Variants in ZCCHC4 observed in about 807,000 individuals in gnomAD.
ZCCHC4 encodes zinc finger CCHC-type containing 4, also known as rRNA N(6)-adenosine-methyltransferase ZCCHC4.
Under a neutral mutation model 67.7 loss-of-function variants are expected in ZCCHC4, and 54 were observed. The observed-to-expected ratio is 0.80, with a 90% CI of 0.64 to 1.00. The LOEUF (loss-of-function observed/expected upper bound fraction) is 1.00. ZCCHC4 is among the 50% of genes least tolerant of loss of function. The pLI is 0.00. For synonymous variants in ZCCHC4, 198 were observed against 213.5 expected, an observed-to-expected ratio of 0.93 and a Z score of 0.63; for missense variants, 609 against 617.0, an observed-to-expected ratio of 0.99 and a Z score of 0.14.
chr4:25,314,004 A>G (rs747933483), intron 1 of ZCCHC4, 42 bp from the exon 2 acceptor site: 10 of 1,282,626 alleles, frequency 7.8e-6, no homozygotes, highest in Non-Finnish European at 1.1e-5. Flanking sequence ...GTAGATGACC[A>G]TTACTTGACA....
intron 3 of ZCCHC4, among the ~76,000 whole-genome samples, chr4:25,317,555 T>C (rs1718319582): frequency 6.6e-6 from 1 of 151,390 alleles, no homozygotes; most frequent in Non-Finnish European, 1.5e-5. Context: ...CCACTAAAAT[T>C]ACAAAAATTA....
intron 8 of ZCCHC4, among the ~76,000 whole-genome samples, chr4:25,354,749 C>T (rs974837986): frequency 2.0e-5 from 3 of 152,084 alleles, no homozygotes; most frequent in Non-Finnish European, 4.4e-5. Context: ...CCTCTCACCT[C>T]AGCCTCCCAA....
chr4:25,321,929 C>T (rs1480606128), intron 3 of ZCCHC4, among the ~76,000 whole-genome samples: 1 of 152,212 alleles, frequency 6.6e-6, no homozygotes, highest in South Asian at 2.1e-4. Context: ...GCAATTAACT[C>T]TCCACCTGTA....
intron 7 of ZCCHC4, 27 bp downstream of exon 7, chr4:25,349,669 A>T: frequency 6.2e-7 from 1 of 1,606,492 alleles, no homozygotes; most frequent in Non-Finnish European, 8.5e-7. Context: ...TGCAAAATAA[A>T]TACATATCTA....
chr4:25,358,324 G>A (rs527921158), intron 8 of ZCCHC4, among the ~76,000 whole-genome samples: 4 of 152,162 alleles, frequency 2.6e-5, no homozygotes, highest in East Asian at 3.9e-4. Context: ...TTTAAGTACC[G>A]GTACCCTGTT....
intron 5 of ZCCHC4, among the ~76,000 whole-genome samples, chr4:25,334,996 C>A (rs1172191847): frequency 6.6e-6 from 1 of 152,064 alleles, no homozygotes; most frequent in African/African-American, 2.4e-5. Flanking sequence ...CACTACCACA[C>A]CCAGGTAATT....
At chr4:25,352,661 CT>C (rs1313063038) in intron 8 of ZCCHC4, 1 of 152,644 alleles carries the variant, frequency 6.6e-6, no homozygotes, top group African/African-American at 2.4e-5. Flanking sequence ...AGTGATCTGC[CT>C]GCCTCAGCCT....
At chr4:25,313,703 C>G (rs1031602512) in intron 1 of ZCCHC4, among the ~76,000 whole-genome samples, 3 of 151,960 alleles carry the variant, frequency 2.0e-5, no homozygotes, top group Non-Finnish European at 2.9e-5. Flanking sequence ...TGATGACACT[C>G]CGTCTACAAA....
chr4:25,344,766 TAA>T (rs1176608922), intron 5 of ZCCHC4, among the ~76,000 whole-genome samples: 1 of 151,472 alleles, frequency 6.6e-6, no homozygotes, highest in Non-Finnish European at 1.5e-5. Context: ...CATATTTTAT[TAA>T]GCTAGCCTGC....
intron 3 of ZCCHC4, among the ~76,000 whole-genome samples, chr4:25,317,344 G>A (rs760186544): frequency 3.9e-5 from 6 of 152,092 alleles, no homozygotes; most frequent in Non-Finnish European, 8.8e-5. Context: ...TAACTACAGT[G>A]GTTAGTCAGA....
chr4:25,315,293 C>T (rs1327306412), intron 2 of ZCCHC4, 25 bp from the exon 3 acceptor site: 1 of 1,587,212 alleles, frequency 6.3e-7, no homozygotes, highest in Admixed American at 1.8e-5. Flanking sequence ...ACAGTTTATT[C>T]AATGGGTTTT....
chr4:25,339,855 G>A (rs1405013656), intron 5 of ZCCHC4, among the ~76,000 whole-genome samples: 1 of 151,570 alleles, frequency 6.6e-6, no homozygotes, highest in Non-Finnish European at 1.5e-5. Context: ...TTACACTTAG[G>A]TCTTTAATCT....
intron 3 of ZCCHC4, among the ~76,000 whole-genome samples, chr4:25,323,661 C>T (rs1359108033): frequency 6.6e-6 from 1 of 152,100 alleles, no homozygotes; most frequent in Non-Finnish European, 1.5e-5. Context: ...TCCTGGGCAA[C>T]CAGGGATGTG....
chr4:25,344,040 C>T (rs140022406), intron 5 of ZCCHC4, among the ~76,000 whole-genome samples: 59 of 152,122 alleles, frequency 3.9e-4, no homozygotes, highest in East Asian at 1.2e-3. Flanking sequence ...AAATCAGCAA[C>T]GCAGACATTA....
At position 25,369,366 on chromosome 4, in the gene ZCCHC4, G is replaced by A. The variant is rs1721062849; in HGVS notation, c.*202G>A. 2 of 573,388 alleles carry A rather than the reference G, an allele frequency of 3.5e-6. No homozygotes were observed. Among genetic ancestry groups the A allele is most frequent in the Non-Finnish European group, 5.9e-6 (2 of 337,102 alleles). 35.5% of individuals were successfully genotyped at this position (573,388 alleles called of 1,614,324 possible). On this transcript the variant is annotated 3_prime_UTR_variant, in exon 13 of 13. Transcript: ENST00000302874. The stretch of plus-strand genomic sequence containing the variant: ...TGGGGAGTTGTTCCATCTTCAGCCA[G>A]TTTACTAGTTCTTTCAGCATTCATT...
intron 8 of ZCCHC4, among the ~76,000 whole-genome samples, chr4:25,354,665 A>G (rs1720440573): frequency 6.6e-6 from 1 of 151,710 alleles, no homozygotes. Context: ...ACTTCATTAA[A>G]ATTTTTTTTT....
intron 5 of ZCCHC4, 39 bp downstream of exon 5, chr4:25,334,027 C>A (rs758525232): frequency 5.2e-6 from 7 of 1,344,452 alleles, no homozygotes; most frequent in Non-Finnish European, 6.2e-6. Context: ...TCATTGTCTC[C>A]TGTTTCTTTT....
chr4:25,336,469 G>C (rs913871744), intron 5 of ZCCHC4, among the ~76,000 whole-genome samples: 1 of 151,996 alleles, frequency 6.6e-6, no homozygotes, highest in Non-Finnish European at 1.5e-5. Context: ...TTCTTATAAT[G>C]TATTATTAAT....
At chr4:25,317,872 G>A (rs1392100629) in intron 3 of ZCCHC4, among the ~76,000 whole-genome samples, 2 of 152,156 alleles carry the variant, frequency 1.3e-5, no homozygotes, top group Non-Finnish European at 2.9e-5. Context: ...TTCACATTAT[G>A]AGAAGTACTA....
Sources: allele counts gnomAD v4.1 joint callset (sites outside exome capture counted in the v4.1 genomes callset), GRCh38; gene constraint gnomAD v4.1.1; transcripts MANE v1.5; gene names NCBI Gene and HGNC (gene_info 2026-07-23, HGNC 2026-07-21).